The following WDR72 variants were observed in gnomAD, a reference collection of about 807,000 sequenced individuals.
The protein encoded by WDR72 is WD repeat domain 72.
Under a neutral mutation model 124.2 loss-of-function variants are expected in WDR72, and 120 were observed. The ratio of observed to expected loss-of-function variants is 0.97; its 90% CI spans 0.83 to 1.12. The LOEUF is 1.12. Among genes scored for constraint, WDR72 ranks in the 50% most tolerant of loss-of-function variants. The probability of loss-of-function intolerance (pLI) is 0.00; values close to 1 mark genes in which losing one functional copy is unlikely to be tolerated. For synonymous variants in WDR72, 452 were observed against 441.7 expected (o/e 1.02, Z -0.29); for missense variants, 1,387 against 1,278.8 (o/e 1.08, Z -1.29).
chr15:53,522,956 T>G (rs1247203101), intron 19 of WDR72, among the ~76,000 whole-genome samples: 1 of 152,052 alleles, frequency 6.6e-6, no homozygotes, highest in African/African-American at 2.4e-5. Context: ...CCATTTAGCC[T>G]AAAATTGATG....
intron 18 of WDR72, among the ~76,000 whole-genome samples, chr15:53,564,142 A>C (rs988693292): frequency 3.3e-5 from 5 of 151,826 alleles, no homozygotes; most frequent in African/African-American, 1.2e-4. Context: ...AACAGTCATT[A>C]ATTCATTTCT....
chr15:53,672,333 C>T (rs1458075502), intron 13 of WDR72, among the ~76,000 whole-genome samples: 1 of 137,912 alleles, frequency 7.3e-6, no homozygotes, highest in Admixed American at 7.4e-5. Context: ...AAAAGCCACT[C>T]CAAGTGAATT....
chr15:53,540,289 G>A (rs1311778241), intron 18 of WDR72, among the ~76,000 whole-genome samples: 2 of 152,148 alleles, frequency 1.3e-5, no homozygotes, highest in Non-Finnish European at 2.9e-5. Flanking sequence ...AATGCCAATA[G>A]TAGACAGTAC....
At chr15:53,563,524 T>A (rs1460591852) in intron 18 of WDR72, among the ~76,000 whole-genome samples, 1 of 151,810 alleles carries the variant, frequency 6.6e-6, no homozygotes, top group African/African-American at 2.4e-5. Context: ...TAAACACATG[T>A]CATGGGGGTT....
Position 53,727,226 on chromosome 15 carries a change from T to TAAAAAAAA in WDR72, c.154-4326_154-4319dup, listed in dbSNP as rs57976197. On this transcript the variant is annotated intron_variant, in intron 2 of 19. Transcript: ENST00000360509. The stretch of plus-strand genomic sequence containing the variant: ...CTGGGTGACAGAGTAAGACTCTGTC[T>TAAAAAAAA]AAAAAAAAAAAAAAAAAGACCAAAA... Among the ~76,000 whole-genome samples, 32 of 125,714 alleles carry TAAAAAAAA rather than the reference T, an allele frequency of 2.5e-4. 1 individual carries two copies. Among genetic ancestry groups the TAAAAAAAA allele is most frequent in the Admixed American group, 8.0e-4 (10 of 12,502 alleles). The allele number at this position is 125,714 out of a possible 152,430, so 82.5% of individuals were successfully genotyped here.
At chr15:53,668,059 C>T (rs2015840949) in intron 13 of WDR72, among the ~76,000 whole-genome samples, 1 of 152,124 alleles carries the variant, frequency 6.6e-6, no homozygotes, top group Non-Finnish European at 1.5e-5. Context: ...CTGGGAGCTT[C>T]CTTAAAACCT....
chr15:53,583,974 G>T (rs375014578), intron 18 of WDR72, among the ~76,000 whole-genome samples: 1 of 147,232 alleles, frequency 6.8e-6, no homozygotes, highest in Non-Finnish European at 1.5e-5. Context: ...ATGACAGAGA[G>T]ATAATATATC....
At chr15:53,533,181 AT>A (rs1163733227) in intron 18 of WDR72, among the ~76,000 whole-genome samples, 1 of 152,150 alleles carries the variant, frequency 6.6e-6, no homozygotes, top group Non-Finnish European at 1.5e-5. Flanking sequence ...AGACAATGGA[AT>A]TGAAGAGGCC....
intron 18 of WDR72, among the ~76,000 whole-genome samples, chr15:53,543,249 G>A (rs1893249143): frequency 6.7e-6 from 1 of 149,114 alleles, no homozygotes; most frequent in African/African-American, 2.5e-5. Context: ...TGGAAGTAAA[G>A]CTCTCCTCAG....
At chr15:53,608,241 G>A (rs2013371889) in intron 17 of WDR72, among the ~76,000 whole-genome samples, 2 of 152,124 alleles carry the variant, frequency 1.3e-5, no homozygotes, top group Admixed American at 1.3e-4. Context: ...CCAAGATTTG[G>A]AAGCAACCTA....
intron 18 of WDR72, among the ~76,000 whole-genome samples, chr15:53,569,133 ATTCTCT>A (rs150096048): frequency 0.075 from 11,439 of 151,960 alleles, 586 homozygotes; most frequent in Non-Finnish European, 0.12. Context: ...ACATGAGATC[ATTCTCT>A]TTCTCTGAAG....
In WDR72 at chr15:53,665,679, T is replaced by C. The variant is rs1465762654; in HGVS notation, c.1855A>G (p.Ile619Val). The C allele has an allele frequency of 1.9e-6, 3 of 1,613,920 alleles. No homozygotes were observed. The highest frequency in any genetic ancestry group is 2.5e-6 in the Non-Finnish European group (3 of 1,179,884). Residue 619 changes from isoleucine to valine, a missense_variant, in exon 14 of 20, where the codon ATT becomes GTT. Ile to Val is a conservative substitution (Grantham distance 29, BLOSUM62 3). Transcript: ENST00000360509. ...TTGTGCTTAAGTGTCTCTGAGGCAATGGGAAGTACAGACTTCACAAGCTGT... is the reference window on the plus strand; with the variant it reads ...TTGTGCTTAAGTGTCTCTGAGGCAACGGGAAGTACAGACTTCACAAGCTGT... ...DSQLVKSVLP[I>V]ASETLKHKSI...
At chr15:53,646,317 G>GT (rs1461575811) in intron 14 of WDR72, among the ~76,000 whole-genome samples, 5 of 151,860 alleles carry the variant, frequency 3.3e-5, no homozygotes, top group Admixed American at 2.6e-4. Flanking sequence ...TAAAACCCCC[G>GT]TAACTCATAT....
At chr15:53,751,355 A>G (rs929773915) in intron 1 of WDR72, among the ~76,000 whole-genome samples, 25 of 152,160 alleles carry the variant, frequency 1.6e-4, no homozygotes, top group Admixed American at 5.9e-4. Context: ...CCACCACCCT[A>G]ATCAATTAGC....
intron 18 of WDR72, among the ~76,000 whole-genome samples, chr15:53,541,389 A>G (rs1253026619): frequency 3.9e-5 from 6 of 151,968 alleles, no homozygotes; most frequent in African/African-American, 1.4e-4. Flanking sequence ...GCACACTGAT[A>G]CCTCACAAGG....
intron 1 of WDR72, among the ~76,000 whole-genome samples, chr15:53,737,740 G>T (rs544843213): frequency 5.3e-5 from 8 of 152,082 alleles, no homozygotes; most frequent in African/African-American, 1.9e-4. Context: ...GTAATAAACA[G>T]ATCAAGCAGA....
chr15:53,569,170 A>C (rs1217868811), intron 18 of WDR72, among the ~76,000 whole-genome samples: 1 of 151,968 alleles, frequency 6.6e-6, no homozygotes, highest in Non-Finnish European at 1.5e-5. Context: ...TGTGATTTGA[A>C]ATACAGGTAG....
intron 16 of WDR72, among the ~76,000 whole-genome samples, chr15:53,612,590 A>C (rs1208014477): frequency 6.6e-6 from 1 of 152,032 alleles, no homozygotes. Context: ...GGGTAGCTGG[A>C]ATGAGTTAAG....
intron 17 of WDR72, among the ~76,000 whole-genome samples, chr15:53,599,269 G>C (rs1000109560): frequency 2.6e-5 from 4 of 151,948 alleles, no homozygotes; most frequent in Non-Finnish European, 5.9e-5. Context: ...TATTCATGAT[G>C]AACAATTTTA....
Sources: allele counts gnomAD v4.1 joint callset (sites outside exome capture counted in the v4.1 genomes callset), GRCh38; gene constraint gnomAD v4.1.1; transcripts MANE v1.5; gene names NCBI Gene and HGNC (gene_info 2026-07-23, HGNC 2026-07-21).